The following ADPRHL1 variants were observed in gnomAD, a reference collection of about 807,000 sequenced individuals.
ADPRHL1 encodes the protein ADP-ribosylhydrolase like 1.
In ADPRHL1, 43 loss-of-function variants were observed where a neutral mutation model predicts 44.1. The observed-to-expected ratio is 0.98, with a 90% CI of 0.76 to 1.26. The LOEUF is 1.26. ADPRHL1 is among the 50% of genes most tolerant of loss of function. The pLI, the probability that ADPRHL1 is intolerant of heterozygous loss-of-function variation, is 0.00. For synonymous variants in ADPRHL1, 878 were observed against 1,017.4 expected, an observed-to-expected ratio of 0.86 and a Z score of 2.61; for missense variants, 2,022 against 2,496.9, an observed-to-expected ratio of 0.81 and a Z score of 4.05.
chr13:113,411,664 G>A (rs1301318244), intron 7 of ADPRHL1, among the ~76,000 whole-genome samples: 1 of 152,252 alleles, frequency 6.6e-6, no homozygotes, highest in Non-Finnish European at 1.5e-5. Context: ...TATTGGCTGA[G>A]GATTAGGGGA....
At chr13:113,418,490 A>C (rs754886893) in intron 7 of ADPRHL1, among the ~76,000 whole-genome samples, 20 of 152,210 alleles carry the variant, frequency 1.3e-4, no homozygotes, top group Admixed American at 7.9e-4. Context: ...TGGACACAAT[A>C]ATTTTAAATA....
chr13:113,415,133 C>T (rs2043880699), intron 7 of ADPRHL1, among the ~76,000 whole-genome samples: 2 of 152,158 alleles, frequency 1.3e-5, no homozygotes, highest in African/African-American at 4.8e-5. Flanking sequence ...GTGGCAGAGT[C>T]CCTTCCACAG....
intron 3 of ADPRHL1, among the ~76,000 whole-genome samples, chr13:113,431,415 G>C (rs548266469): frequency 2.6e-5 from 4 of 152,220 alleles, no homozygotes; most frequent in African/African-American, 4.8e-5. Context: ...CCCTTGGCCC[G>C]GCGGGAGGGC....
chr13:113,435,077 A>G (rs1270280825), intron 2 of ADPRHL1, among the ~76,000 whole-genome samples: 2 of 140,072 alleles, frequency 1.4e-5, no homozygotes, highest in Admixed American at 1.4e-4. Context: ...TGTAGAGTGA[A>G]CATAGGTGTA....
intron 7 of ADPRHL1, among the ~76,000 whole-genome samples, chr13:113,411,101 C>T (rs977632905): frequency 6.6e-6 from 1 of 152,210 alleles, no homozygotes; most frequent in African/African-American, 2.4e-5. Flanking sequence ...GGCTCAGCCA[C>T]GTGTGACGTC....
chr13:113,412,940 G>A (rs1464411357), intron 7 of ADPRHL1, among the ~76,000 whole-genome samples: 1 of 38,810 alleles, frequency 2.6e-5, no homozygotes, highest in African/African-American at 1.3e-4. Context: ...TTCACCCACC[G>A]CCAACAGTGC....
chr13:113,452,619 T>C (rs1023873364), intron 1 of ADPRHL1, among the ~76,000 whole-genome samples: 5 of 152,212 alleles, frequency 3.3e-5, no homozygotes, highest in Admixed American at 3.3e-4. Flanking sequence ...TTAAGAAGCT[T>C]TGTCTCCAAT....
chr13:113,426,056 C>T (rs917984927), intron 4 of ADPRHL1, among the ~76,000 whole-genome samples: 3 of 152,198 alleles, frequency 2.0e-5, no homozygotes, highest in African/African-American at 7.2e-5. Flanking sequence ...TGCATTAGCC[C>T]TGTGCCTGCA....
intron 2 of ADPRHL1, among the ~76,000 whole-genome samples, chr13:113,434,332 C>A (rs1336124631): frequency 2.0e-5 from 3 of 151,260 alleles, no homozygotes; most frequent in Non-Finnish European, 4.4e-5. Context: ...CATAGGTGTA[C>A]CCCGTGACCC....
At chr13:113,442,221 A>G (rs886098063) in intron 2 of ADPRHL1, among the ~76,000 whole-genome samples, 2 of 152,222 alleles carry the variant, frequency 1.3e-5, no homozygotes, top group Non-Finnish European at 2.9e-5. Flanking sequence ...TTGGGAGGCT[A>G]AGGCAGAAGG....
rs1042139703 is a variant in ADPRHL1, at chr13:113,409,939, G to A, written c.1062-1719C>T. On this transcript the variant is annotated intron_variant, in intron 7 of 7. Coordinates refer to ENST00000612156, the MANE Select transcript of ADPRHL1 (RefSeq NM_001394807.1). The surrounding 1 kb of genome is among the most constrained non-coding windows in gnomAD (Gnocchi z 4.2). ...AAGCTGAGCAGGCTGAAAAGAGACC[G>A]GAAGGAAATGTGTGAACATACTTCT... The A allele has an allele frequency of 2.6e-5, 26 of 984,108 alleles. No homozygotes were observed. The highest frequency in any genetic ancestry group is 2.3e-4 in the East Asian group (2 of 8,772). 61.0% of individuals were successfully genotyped at this position (984,108 alleles called of 1,614,324 possible).
At position 113,403,294 on chromosome 13, in the gene ADPRHL1, G is replaced by A. The variant is rs531662237; in HGVS notation, c.*84C>T. ...GTCTCTGTAGGGGATGCTCCAAGAC[G>A]CATTTGGAGGCAGGAAAATGCCTGA... On this transcript the variant is annotated 3_prime_UTR_variant, in exon 8 of 8. Coordinates refer to ENST00000612156, the MANE Select transcript of ADPRHL1 (RefSeq NM_001394807.1). 15 of 1,115,920 alleles carry A rather than the reference G, an allele frequency of 1.3e-5. No individual in the cohort carries two copies. In the South Asian group the frequency reaches 4.2e-4, roughly 31 times the overall value. The allele number at this position is 1,115,920 out of a possible 1,614,324, so 69.1% of individuals were successfully genotyped here. A position where few individuals can be genotyped will look rare whatever the true frequency, so the allele number is the denominator to read the frequency against.
rs9604111 is a variant in ADPRHL1, at chr13:113,444,858, T to C, written c.215-269A>G. On this transcript the variant is annotated intron_variant, in intron 1 of 7. Coordinates refer to ENST00000612156, the MANE Select transcript of ADPRHL1 (RefSeq NM_001394807.1). The stretch of plus-strand genomic sequence containing the variant: ...CAGGATGGTCTCGATCTCCTGACCT[T>C]GTGATCTGCCCACCTCAGCCTCCCA... 7.3e-3 allele frequency among the ~76,000 whole-genome samples: 1,108 copies of C among 152,024 alleles called. 17 individuals are homozygous for C. Among genetic ancestry groups the C allele is most frequent in the African/African-American group, 0.024 (993 of 41,344 alleles).
In ADPRHL1 at chr13:113,403,742, C is replaced by T; in HGVS notation, c.5540G>A (p.Gly1847Glu). ...CCCCAGGCCACTGCCCCCTGACTGT[C>T]CACCATCCCTGGGGGCTGGGCTTCT... ...GSRSPAPRDG[G>E]QSGGSGLGEP... The change falls in exon 8 of 8, where the codon GGA (glycine) becomes GAA (glutamate). Residue 1847 changes from glycine to glutamate, a missense_variant. This residue lies in a region of ADPRHL1 where 205 missense variants were observed against 250.1 expected (regional missense o/e 0.82). Transcript: ENST00000612156. The T allele has an allele frequency of 8.1e-7, 1 of 1,232,666 alleles. No homozygotes were observed. The highest frequency in any genetic ancestry group is 3.2e-5 in the East Asian group (1 of 31,720). 76.4% of individuals were successfully genotyped at this position (1,232,666 alleles called of 1,614,324 possible). A position where few individuals can be genotyped will look rare whatever the true frequency, so the allele number is the denominator to read the frequency against.
chr13:113,426,151 C>T (rs1345823481), intron 4 of ADPRHL1, among the ~76,000 whole-genome samples: 4 of 152,130 alleles, frequency 2.6e-5, no homozygotes, highest in Admixed American at 6.5e-5. Context: ...GTCATCTGGC[C>T]AAGAGGACGC....
At chr13:113,412,559 G>T (rs1306802745) in intron 7 of ADPRHL1, among the ~76,000 whole-genome samples, 2 of 152,234 alleles carry the variant, frequency 1.3e-5, no homozygotes, top group South Asian at 2.1e-4. Context: ...CTAGAGCAGA[G>T]CCCCTGCATG....
chr13:113,432,054 T>C (rs1282393442), intron 3 of ADPRHL1, among the ~76,000 whole-genome samples: 1 of 152,098 alleles, frequency 6.6e-6, no homozygotes, highest in Non-Finnish European at 1.5e-5. Context: ...GGAAATATAT[T>C]AGCAAATGTT....
chr13:113,413,458 C>A (rs2043870401), intron 7 of ADPRHL1, among the ~76,000 whole-genome samples: 1 of 152,250 alleles, frequency 6.6e-6, no homozygotes, highest in African/African-American at 2.4e-5. Flanking sequence ...GGAACGCCCC[C>A]AAGTCATGGA....
intron 4 of ADPRHL1, among the ~76,000 whole-genome samples, chr13:113,427,620 G>A (rs1030206629): frequency 1.3e-5 from 2 of 151,386 alleles, no homozygotes; most frequent in Admixed American, 6.6e-5. Context: ...TGCAACCTCC[G>A]CTTAGCCATC....
Sources: allele counts gnomAD v4.1 joint callset (sites outside exome capture counted in the v4.1 genomes callset), GRCh38; gene constraint gnomAD v4.1.1; regional missense constraint gnomAD v4.1.1; non-coding constraint Gnocchi (gnomAD v3.1); transcripts MANE v1.5; gene names NCBI Gene and HGNC (gene_info 2026-07-23, HGNC 2026-07-21).